Variants in GALNT13 observed in about 807,000 individuals in gnomAD.
GALNT13 encodes the protein polypeptide N-acetylgalactosaminyltransferase 13.
Under a neutral mutation model 64.2 loss-of-function variants are expected in GALNT13, and 28 were observed. That is an observed-to-expected ratio of 0.44 (90% CI 0.32 to 0.60). The LOEUF is 0.60. Among genes scored for constraint, GALNT13 ranks in the 20% least tolerant of loss-of-function variants. GALNT13 has a pLI of 0.05. For missense variants in GALNT13, 577 were observed against 669.8 expected (o/e 0.86, Z 1.53); for synonymous variants, 214 against 224.6 (o/e 0.95, Z 0.42).
the GALNT13 span, among the ~76,000 whole-genome samples, chr2:153,789,496 A>T: frequency 3.3e-5 from 5 of 152,272 alleles, no homozygotes; most frequent in South Asian, 1.0e-3. Flanking sequence ...AGTCAGGAAG[A>T]TCTCAAATTA....
At chr2:154,425,067 G>C (rs1180787902) in intron 11 of GALNT13, among the ~76,000 whole-genome samples, 2 of 152,146 alleles carry the variant, frequency 1.3e-5, no homozygotes, top group Non-Finnish European at 2.9e-5. Context: ...ATAGAGAGTT[G>C]TAAACAATAC....
At chr2:154,162,228 G>A (rs1684774718) in intron 4 of GALNT13, among the ~76,000 whole-genome samples, 1 of 152,170 alleles carries the variant, frequency 6.6e-6, no homozygotes, top group Admixed American at 6.5e-5. Flanking sequence ...GTTGATAAAA[G>A]AACCACCAAC....
intron 4 of GALNT13, among the ~76,000 whole-genome samples, chr2:154,170,229 T>G (rs554773992): frequency 3.3e-5 from 5 of 152,288 alleles, no homozygotes; most frequent in Non-Finnish European, 7.4e-5. Flanking sequence ...CTGCCCACAT[T>G]GGATGAGGGC....
rs758799318 is a variant in GALNT13, at chr2:154,040,205, G to A, written c.142+95566G>A. 4.3e-5 allele frequency among the ~76,000 whole-genome samples: 6 copies of A among 140,428 alleles called. 2 individuals carry two copies. Among genetic ancestry groups the A allele is most frequent in the Non-Finnish European group, 6.5e-5 (4 of 61,204 alleles). 92.1% of individuals were successfully genotyped at this position (140,428 alleles called of 152,430 possible). On this transcript the variant is annotated intron_variant, in intron 3 of 12. Transcript: ENST00000392825. The stretch of plus-strand genomic sequence containing the variant: ...AAGATACACACACACATGCACATGT[G>A]TATTTTGGAGGATAGGGTGAACTAA...
intron 3 of GALNT13, among the ~76,000 whole-genome samples, chr2:153,952,061 C>T (rs563446168): frequency 6.6e-6 from 1 of 152,090 alleles, no homozygotes; most frequent in South Asian, 2.1e-4. Context: ...CCCTTTCGTG[C>T]CACTCTGATG....
chr2:154,156,846 A>G (rs1461286733), intron 4 of GALNT13, among the ~76,000 whole-genome samples: 3 of 152,182 alleles, frequency 2.0e-5, no homozygotes, highest in African/African-American at 7.2e-5. Flanking sequence ...TCCAAATGGA[A>G]AGACAAAAGT....
the GALNT13 span, among the ~76,000 whole-genome samples, chr2:153,372,938 C>A: frequency 6.6e-6 from 1 of 152,132 alleles, no homozygotes; most frequent in Admixed American, 6.5e-5. Context: ...CGTTCATTGA[C>A]TATTGCCTTG....
chr2:153,771,778 A>T, the GALNT13 span, among the ~76,000 whole-genome samples: 2 of 149,942 alleles, frequency 1.3e-5, no homozygotes, highest in African/African-American at 4.8e-5. Flanking sequence ...GAAAAAGAGC[A>T]AAAACTTACT....
At chr2:153,827,356 G>T in the GALNT13 span, among the ~76,000 whole-genome samples, 1 of 152,132 alleles carries the variant, frequency 6.6e-6, no homozygotes, top group Non-Finnish European at 1.5e-5. Context: ...GGGCACAGTG[G>T]CTCATGCCTG....
the GALNT13 span, among the ~76,000 whole-genome samples, chr2:153,125,510 C>G: frequency 6.6e-6 from 1 of 152,066 alleles, no homozygotes; most frequent in African/African-American, 2.4e-5. Flanking sequence ...TATAATAGTG[C>G]GCAGGACTAA....
the GALNT13 span, among the ~76,000 whole-genome samples, chr2:153,428,054 C>T: frequency 6.6e-6 from 1 of 152,160 alleles, no homozygotes; most frequent in Non-Finnish European, 1.5e-5. Flanking sequence ...GACATGCATT[C>T]AATACAGAGT....
At chr2:153,199,096 G>A in the GALNT13 span, among the ~76,000 whole-genome samples, 1 of 152,208 alleles carries the variant, frequency 6.6e-6, no homozygotes, top group African/African-American at 2.4e-5. Context: ...GCCCAAAAAT[G>A]TGAGAATTTG....
the GALNT13 span, among the ~76,000 whole-genome samples, chr2:153,130,959 A>C: frequency 1.3e-5 from 2 of 152,326 alleles, no homozygotes; most frequent in East Asian, 1.9e-4. Flanking sequence ...ATACATGCTC[A>C]GAGCACCTTC....
chr2:153,706,759 C>T, the GALNT13 span, among the ~76,000 whole-genome samples: 2 of 152,126 alleles, frequency 1.3e-5, no homozygotes, highest in African/African-American at 2.4e-5. Flanking sequence ...CTTCCCAATA[C>T]GGCATAGTGG....
intron 4 of GALNT13, among the ~76,000 whole-genome samples, chr2:154,172,670 A>T (rs373857908): frequency 6.2e-5 from 9 of 144,030 alleles, no homozygotes; most frequent in African/African-American, 1.8e-4. Context: ...GTGTGTGTGT[A>T]TGCGCATACA....
intron 4 of GALNT13, among the ~76,000 whole-genome samples, chr2:154,198,662 C>A (rs1687009909): frequency 6.6e-6 from 1 of 151,508 alleles, no homozygotes; most frequent in East Asian, 1.9e-4. Context: ...ACCTTTCTGG[C>A]TGAAATTACA....
the GALNT13 span, among the ~76,000 whole-genome samples, chr2:153,177,731 A>G: frequency 0.13 from 19,515 of 152,172 alleles, 1,517 homozygotes; most frequent in Non-Finnish European, 0.17. Flanking sequence ...GAGAACATTT[A>G]AAATTCACTC....
At chr2:153,517,299 C>A in the GALNT13 span, among the ~76,000 whole-genome samples, 12 of 152,106 alleles carry the variant, frequency 7.9e-5, no homozygotes, top group Non-Finnish European at 1.6e-4. Flanking sequence ...ATTCAATAGA[C>A]CCTGAGTGTT....
intron 8 of GALNT13, chr2:154,287,349 C>A: frequency 1.7e-6 from 1 of 573,978 alleles, no homozygotes; most frequent in Non-Finnish European, 3.2e-6. Context: ...CGAGACATTG[C>A]ATTCCAGCTC....
Sources: gnomAD v4.1 joint callset for allele counts (sites outside exome capture counted in the v4.1 genomes callset) on GRCh38, gnomAD v4.1.1 for gene constraint, MANE v1.5 for transcripts, NCBI Gene and HGNC (gene_info 2026-07-23, HGNC 2026-07-21) for gene names.